Variants in NDST3 observed in about 807,000 individuals in gnomAD.
The protein encoded by NDST3 is N-deacetylase and N-sulfotransferase 3, also known as bifunctional heparan sulfate N-deacetylase/N-sulfotransferase 3.
Under a neutral mutation model 96.1 loss-of-function variants are expected in NDST3, and 58 were observed. The observed-to-expected ratio is 0.60, with a 90% CI of 0.49 to 0.75. The LOEUF is 0.75. Among genes scored for constraint, NDST3 ranks in the 30% least tolerant of loss-of-function variants. NDST3 has a pLI of 0.00. For synonymous variants in NDST3, 333 were observed against 359.7 expected, an observed-to-expected ratio of 0.93 and a Z score of 0.84; for missense variants, 788 against 1,034.2, an observed-to-expected ratio of 0.76 and a Z score of 3.27.
At chr4:118,046,878 C>T (rs899848394) in intron 1 of NDST3, among the ~76,000 whole-genome samples, 1 of 151,728 alleles carries the variant, frequency 6.6e-6, no homozygotes, top group Admixed American at 6.6e-5. Flanking sequence ...GGTTGTCTCC[C>T]ATCTACCTGC....
chr4:118,149,937 C>T (rs1181642621), intron 6 of NDST3, among the ~76,000 whole-genome samples: 6 of 149,692 alleles, frequency 4.0e-5, no homozygotes, highest in South Asian at 2.2e-4. Flanking sequence ...CCCATCAATA[C>T]CTAATTTATT....
At chr4:118,135,538 C>A (rs1331766991) in intron 4 of NDST3, among the ~76,000 whole-genome samples, 1 of 152,144 alleles carries the variant, frequency 6.6e-6, no homozygotes, top group Non-Finnish European at 1.5e-5. Flanking sequence ...TACCTCTGAA[C>A]CCCTTTGAGG....
At position 118,073,332 on chromosome 4, in the gene NDST3, G is replaced by A. The variant is rs541340881; in HGVS notation, c.981+18441G>A. On this transcript the variant is annotated intron_variant, in intron 2 of 13. Coordinates refer to ENST00000296499, the MANE Select transcript of NDST3 (RefSeq NM_004784.3). ...TTCTTTCTATGTCTGGTAGAATTCA[G>A]CTGTGAATCCATCTGGTCCTGGGCT... Among the ~76,000 whole-genome samples, 5 of 152,222 alleles carry A rather than the reference G, an allele frequency of 3.3e-5. No individual in the cohort carries two copies. The East Asian group carries it at 9.7e-4, about 29-fold the overall frequency.
At chr4:118,149,429 C>A (rs1435256974) in intron 6 of NDST3, among the ~76,000 whole-genome samples, 12 of 149,140 alleles carry the variant, frequency 8.0e-5, no homozygotes, top group Non-Finnish European at 1.2e-4. Flanking sequence ...CTTTTATTTC[C>A]TTGAGCAGTG....
At chr4:118,061,404 G>A (rs1725884531) in intron 2 of NDST3, among the ~76,000 whole-genome samples, 1 of 152,076 alleles carries the variant, frequency 6.6e-6, no homozygotes, top group African/African-American at 2.4e-5. Flanking sequence ...CCAATGATGT[G>A]CTAAAACTGG....
chr4:118,222,881 C>T (rs1739642053), intron 6 of NDST3, among the ~76,000 whole-genome samples: 1 of 151,846 alleles, frequency 6.6e-6, no homozygotes, highest in African/African-American at 2.4e-5. Flanking sequence ...AAAGTGAATT[C>T]AAAGGGATTT....
chr4:118,052,661 G>C (rs1407060815), intron 1 of NDST3, among the ~76,000 whole-genome samples: 1 of 151,864 alleles, frequency 6.6e-6, no homozygotes, highest in Non-Finnish European at 1.5e-5. Flanking sequence ...AACTATCTGA[G>C]AAAAAATATT....
At chr4:118,085,881 T>A (rs992301712) in intron 2 of NDST3, among the ~76,000 whole-genome samples, 1 of 152,192 alleles carries the variant, frequency 6.6e-6, no homozygotes, top group Non-Finnish European at 1.5e-5. Context: ...TGGGCTTTTA[T>A]GTGTTCCGCT....
chr4:118,036,313 T>G (rs112774760), intron 1 of NDST3, among the ~76,000 whole-genome samples: 1 of 152,174 alleles, frequency 6.6e-6, no homozygotes, highest in Admixed American at 6.5e-5. Flanking sequence ...CAAAATATAT[T>G]TTTTTAAACT....
intron 6 of NDST3, among the ~76,000 whole-genome samples, chr4:118,212,994 T>C (rs1159509307): frequency 6.6e-6 from 1 of 152,322 alleles, no homozygotes; most frequent in Admixed American, 6.5e-5. Flanking sequence ...AAAGCTAACA[T>C]TTGCTCCCCT....
chr4:118,173,819 T>C (rs2125940550), intron 6 of NDST3, among the ~76,000 whole-genome samples: 1 of 152,328 alleles, frequency 6.6e-6, no homozygotes, highest in African/African-American at 2.4e-5. Flanking sequence ...GATGAAGTTT[T>C]GTTCATTGGT....
At chr4:118,252,109 T>G (rs571079801) in intron 12 of NDST3, among the ~76,000 whole-genome samples, 2 of 152,298 alleles carry the variant, frequency 1.3e-5, no homozygotes, top group South Asian at 4.1e-4. Context: ...AAGAAAAACG[T>G]TATCTGAAAT....
At chr4:118,104,165 A>T (rs530927488) in intron 2 of NDST3, among the ~76,000 whole-genome samples, 1 of 152,312 alleles carries the variant, frequency 6.6e-6, no homozygotes, top group African/African-American at 2.4e-5. Flanking sequence ...GGAATGCCTA[A>T]TTTGGATCTA....
intron 2 of NDST3, among the ~76,000 whole-genome samples, chr4:118,077,595 G>A (rs1162191802): frequency 6.6e-6 from 1 of 152,168 alleles, no homozygotes; most frequent in Non-Finnish European, 1.5e-5. Context: ...CCCTCAGGCA[G>A]GGACCACGTT....
chr4:118,110,025 GTTAAC>G (rs1448180801), intron 3 of NDST3, among the ~76,000 whole-genome samples: 3 of 152,144 alleles, frequency 2.0e-5, no homozygotes, highest in Non-Finnish European at 4.4e-5. Context: ...TAAAGAACGT[GTTAAC>G]TTGTTTTCTA....
chr4:118,083,050 T>C (rs1305842158), intron 2 of NDST3, among the ~76,000 whole-genome samples: 1 of 152,178 alleles, frequency 6.6e-6, no homozygotes, highest in Non-Finnish European at 1.5e-5. Flanking sequence ...CACCAGGACC[T>C]TCCTCCAACA....
chr4:118,239,251 A>C (rs1377869267), intron 10 of NDST3, among the ~76,000 whole-genome samples: 1 of 152,230 alleles, frequency 6.6e-6, no homozygotes, highest in Non-Finnish European at 1.5e-5. Context: ...TTTGCTACTT[A>C]ACAAAAGCAG....
chr4:118,156,450 TATTCTATTTTAC>T (rs1381916887), intron 6 of NDST3, among the ~76,000 whole-genome samples: 1 of 152,238 alleles, frequency 6.6e-6, no homozygotes, highest in African/African-American at 2.4e-5. Flanking sequence ...CATCATGCCT[TATTCTATTTTAC>T]ATTCACAGTA....
In NDST3 at chr4:118,142,034, A is replaced by T. The variant is rs139401803; in HGVS notation, c.1411-1522A>T. Among the ~76,000 whole-genome samples, 1,381 of 152,262 alleles carry T rather than the reference A, an allele frequency of 9.1e-3. 25 individuals carry two copies. Among genetic ancestry groups the T allele is most frequent in the Middle Eastern group, 0.083 (24 of 290 alleles). On this transcript the variant is annotated intron_variant, in intron 5 of 13. Coordinates refer to ENST00000296499, the MANE Select transcript of NDST3 (RefSeq NM_004784.3). ...TTATTCCAAATGCTTTCCAAATTCAAAATTTCATTTTTAATTTCCAAATAT... is the reference window on the plus strand; with the variant it reads ...TTATTCCAAATGCTTTCCAAATTCATAATTTCATTTTTAATTTCCAAATAT...
Sources: allele counts gnomAD v4.1 joint callset (sites outside exome capture counted in the v4.1 genomes callset), GRCh38; gene constraint gnomAD v4.1.1; transcripts MANE v1.5; gene names NCBI Gene and HGNC (gene_info 2026-07-23, HGNC 2026-07-21).